The following TOP2A variants were observed in gnomAD, a reference collection of about 807,000 sequenced individuals.
TOP2A encodes DNA topoisomerase 2-alpha.
A neutral mutation model predicts 187.2 loss-of-function variants in TOP2A; 68 were observed. That is an observed-to-expected ratio of 0.36 (90% CI 0.30 to 0.44). The LOEUF is 0.44. TOP2A is among the 20% of genes least tolerant of loss of function. TOP2A has a pLI of 1.00. For missense variants in TOP2A, 1,196 were observed against 1,808.7 expected (o/e 0.66, Z 6.14); for synonymous variants, 542 against 593.2 (o/e 0.91, Z 1.25).
Position 40,416,912 on chromosome 17 carries a change from AAG to A in TOP2A, c.22-19_22-18del, listed in dbSNP as rs752800546. ...ATTTACAGGCTAGCAATTAAAAAAA[AAG>A]AGAGAAAGAAGGGAATTTTTAATCA... On this transcript the variant is annotated intron_variant, in intron 1 of 34. Coordinates refer to ENST00000423485, the MANE Select transcript of TOP2A (RefSeq NM_001067.4). The A allele has an allele frequency of 1.1e-5, 18 of 1,569,614 alleles. No homozygotes were observed. The highest frequency in any genetic ancestry group is 2.4e-5 in the South Asian group (2 of 84,550).
intron 10 of TOP2A, 144 bp from the exon 11 acceptor site, chr17:40,408,774 G>C: frequency 1.1e-6 from 1 of 884,412 alleles, no homozygotes. Flanking sequence ...GATAGAGGGT[G>C]GCACATCTTC....
intron 12 of TOP2A, 67 bp from the exon 13 acceptor site, chr17:40,407,741 T>G: frequency 7.0e-7 from 1 of 1,428,928 alleles, no homozygotes; most frequent in Non-Finnish European, 9.4e-7. Flanking sequence ...AATTTAACAG[T>G]ATATGTTGCT....
rs1007249728 is a variant in TOP2A at position 40,388,586 on chromosome 17, C to G, written c.*933G>C. 2.2e-5 allele frequency: 4 copies of G among 181,880 alleles called. No homozygotes were observed. The highest frequency in any genetic ancestry group is 9.4e-5 in the African/African-American group (4 of 42,450). 11.3% of individuals were successfully genotyped at this position (181,880 alleles called of 1,614,324 possible). ...TGTTGGAATTTAGCTAATAGAAAAA[C>G]ATAGTAAATATTTACAAAAACGTTG... On this transcript the variant is annotated 3_prime_UTR_variant, in exon 35 of 35. Transcript: ENST00000423485.
At position 40,391,584 on chromosome 17, in the gene TOP2A, T is replaced by TAGC. The variant is rs2035022661; in HGVS notation, c.4186_4188dup (p.Ala1396dup). ...ATTTCAGTTTCATCTGGGAAATGTG[T>TAGC]AGCAGGAGGGCTTGAAGACAGTGGT... On this transcript the variant is annotated inframe_insertion, in exon 33 of 35. Transcript: ENST00000423485. The TAGC allele has an allele frequency of 1.2e-6, 2 of 1,612,804 alleles. No individual in the cohort carries two copies. Among genetic ancestry groups the TAGC allele is most frequent in the Non-Finnish European group, 8.5e-7 (1 of 1,179,304 alleles).
chr17:40,399,963 T>G lies in TOP2A; in HGVS notation c.3105A>C (p.Glu1035Asp). The G allele has an allele frequency of 6.2e-7, 1 of 1,613,542 alleles. No individual in the cohort carries two copies. Among genetic ancestry groups the G allele is most frequent in the Non-Finnish European group, 8.5e-7 (1 of 1,179,724 alleles). ...LRLKYYGLRK[E>D]WLLGMLGAES... ...CAGCACCAAGCATTCCTAGGAGCCA[T>G]TCTTTTCTTAATCCATAATATTTAA... The change falls in exon 24 of 35, where the codon GAA (glutamate) becomes GAC (aspartate). Residue 1035 changes from glutamate (E) to aspartate (D), a missense_variant. Glu to Asp is a conservative substitution (Grantham distance 45). This residue lies in a region of TOP2A where 232 missense variants were observed against 306.1 expected (regional missense o/e 0.76). Coordinates refer to ENST00000423485, the MANE Select transcript of TOP2A (RefSeq NM_001067.4).
intron 27 of TOP2A, among the ~76,000 whole-genome samples, chr17:40,397,778 ATTTT>A (rs1379272976): frequency 2.2e-5 from 3 of 136,628 alleles, no homozygotes; most frequent in Admixed American, 7.4e-5. Flanking sequence ...TCTAAATAGT[ATTTT>A]TTTTTTTTTT....
chr17:40,389,403 A>G lies in TOP2A; in HGVS notation c.*116T>C. 2 of 1,222,892 alleles carry G rather than the reference A, an allele frequency of 1.6e-6. No individual in the cohort carries two copies. Among genetic ancestry groups the G allele is most frequent in the Non-Finnish European group, 2.2e-6 (2 of 892,958 alleles). 75.8% of individuals were successfully genotyped at this position (1,222,892 alleles called of 1,614,324 possible). On this transcript the variant is annotated 3_prime_UTR_variant, in exon 35 of 35. Coordinates refer to ENST00000423485, the MANE Select transcript of TOP2A (RefSeq NM_001067.4). ...GCTTTACTTCACTTTGATGTCTTGT[A>G]CTAAAAACACCTTCCCCAAACTAAA...
In TOP2A at chr17:40,396,411, C is replaced by T. The variant is rs200739247; in HGVS notation, c.3592G>A (p.Gly1198Arg). The change falls in exon 28 of 35, where the codon GGG becomes AGG. Residue 1198 changes from glycine to arginine, a missense_variant. Around this residue, in one of 10 missense-constraint regions of TOP2A, gnomAD observed 374 missense variants for 403.3 expected, o/e 0.93. Coordinates refer to ENST00000423485, the MANE Select transcript of TOP2A (RefSeq NM_001067.4). ...TGTGTTTTTTTCCCCTTGGCCTTCC[C>T]CCCTTTCCCAGGAAGTCCGACTTGT... ...DEQVGLPGKGGKAKGKKTQMA... is the reference protein window; with the variant it reads ...DEQVGLPGKGRKAKGKKTQMA... 1.2e-4 allele frequency: 200 copies of T among 1,613,792 alleles called. 1 individual carries two copies. Among genetic ancestry groups the T allele is most frequent in the Non-Finnish European group, 1.6e-4 (188 of 1,179,876 alleles).
At chr17:40,405,071 C>T (rs144779457) in intron 16 of TOP2A, among the ~76,000 whole-genome samples, 188 bp from the exon 17 acceptor site, 60 of 151,540 alleles carry the variant, frequency 4.0e-4, no homozygotes, top group Middle Eastern at 3.4e-3. Flanking sequence ...CTCACTGCAA[C>T]CTCTGCGTCC....
rs772308714 is a variant in TOP2A at position 40,390,045 on chromosome 17, G to A, written c.4387C>T (p.Arg1463Cys). The stretch of plus-strand genomic sequence containing the variant: ...GAAGTGGATGGCTTCCTTTTGCGGC[G>A]ATTCTTGGTTTTGGCAGGATCAGGC... ...QKPDPAKTKN[R>C]RKRKPSTSDD... Residue 1463 changes from arginine to cysteine, a missense_variant, in exon 34 of 35, where the codon CGC (arginine) becomes TGC (cysteine). By Grantham distance (180) the Arg-to-Cys change is radical. Coordinates refer to ENST00000423485, the MANE Select transcript of TOP2A (RefSeq NM_001067.4). 3.8e-5 allele frequency: 62 copies of A among 1,613,864 alleles called. No individual in the cohort carries two copies. The highest frequency in any genetic ancestry group is 4.8e-5 in the Non-Finnish European group (57 of 1,179,854).
At chr17:40,414,817 C>T (rs1300813279) in intron 4 of TOP2A, among the ~76,000 whole-genome samples, 16 of 143,798 alleles carry the variant, frequency 1.1e-4, no homozygotes, top group African/African-American at 3.7e-4. Context: ...GATCATGCCA[C>T]TGCACTCCAG....
At chr17:40,395,342 G>T in intron 29 of TOP2A, 107 bp downstream of exon 29, 1 of 450,606 alleles carries the variant, frequency 2.2e-6, no homozygotes, top group Non-Finnish European at 3.8e-6. Flanking sequence ...CCTCTTTCAC[G>T]TTTCTCAATT....
chr17:40,402,186 C>T lies in TOP2A; in HGVS notation c.2432+720G>A, dbSNP rs114920044. Among the ~76,000 whole-genome samples, 1,471 of 152,228 alleles carry T rather than the reference C, an allele frequency of 9.7e-3. 28 individuals are homozygous for T. The highest frequency in any genetic ancestry group is 0.034 in the African/African-American group (1,396 of 41,532). ...CTGAGCAATTAGAAGGATGGCATGGCATTCCATTTACTGAGACAGGAAAAC... is the reference window on the plus strand; with the variant it reads ...CTGAGCAATTAGAAGGATGGCATGGTATTCCATTTACTGAGACAGGAAAAC... On this transcript the variant is annotated intron_variant, in intron 20 of 34. Coordinates refer to ENST00000423485, the MANE Select transcript of TOP2A (RefSeq NM_001067.4).
chr17:40,388,986 A>C lies in TOP2A; in HGVS notation c.*533T>G, dbSNP rs1312967864. The C allele has an allele frequency of 4.7e-6, 1 of 214,604 alleles. No homozygotes were observed. Among genetic ancestry groups the C allele is most frequent in the East Asian group, 7.0e-5 (1 of 14,258 alleles). 13.3% of individuals were successfully genotyped at this position (214,604 alleles called of 1,614,324 possible). ...AGATGAAGAACATGAGCAATTTCTC[A>C]TTGCTTAAAGAAAAACTTGGCACAT... On this transcript the variant is annotated 3_prime_UTR_variant, in exon 35 of 35. Transcript: ENST00000423485.
chr17:40,396,432 C>T lies in TOP2A; in HGVS notation c.3571G>A (p.Val1191Ile). Residue 1191 changes from valine (V) to isoleucine (I), a missense_variant, in exon 28 of 35, where the codon GTC (valine) becomes ATC (isoleucine). Val to Ile is a conservative substitution (Grantham distance 29). This residue lies in a region of TOP2A where 374 missense variants were observed against 403.3 expected (regional missense o/e 0.93). Coordinates refer to ENST00000423485, the MANE Select transcript of TOP2A (RefSeq NM_001067.4). The part of the protein sequence containing the change: ...VEAKEKQDEQ[V>I]GLPGKGGKAK... ...TTCCCCCCTTTCCCAGGAAGTCCGA[C>T]TTGTTCATCTTGTTTTTCCTTGGCT... 1 of 1,613,810 alleles carries T rather than the reference C, an allele frequency of 6.2e-7. No individual in the cohort carries two copies. Among genetic ancestry groups the T allele is most frequent in the Non-Finnish European group, 8.5e-7 (1 of 1,179,820 alleles).
intron 7 of TOP2A, 101 bp downstream of exon 7, chr17:40,412,658 A>G: frequency 1.0e-6 from 1 of 997,832 alleles, no homozygotes; most frequent in Non-Finnish European, 1.5e-6. Flanking sequence ...AAACAAACAA[A>G]CAAACAAACA....
In TOP2A at chr17:40,400,218, G is replaced by A. The variant is rs2035159670; in HGVS notation, c.2991C>T (p.Cys997=). 6.2e-7 allele frequency: 1 copy of A among 1,613,624 alleles called. No individual in the cohort carries two copies. Among genetic ancestry groups the A allele is most frequent in the African/African-American group, 1.3e-5 (1 of 74,916 alleles). ...CAAAACAAATACATACCATAGAGTT[G>A]CATGTGAGACTAGTTTGGAGTTTGA... The part of the protein sequence containing the change: ...KVFKLQTSLT[C]NSMVLFDHVG... Residue 997 remains cysteine (C), a synonymous_variant, in exon 23 of 35, where the codon TGC becomes TGT. Coordinates refer to ENST00000423485, the MANE Select transcript of TOP2A (RefSeq NM_001067.4).
intron 19 of TOP2A, 49 bp downstream of exon 19, chr17:40,404,103 C>T: frequency 6.2e-7 from 1 of 1,600,866 alleles, no homozygotes; most frequent in Non-Finnish European, 8.5e-7. Flanking sequence ...AATGACTCTG[C>T]AGGGATTTCT....
Position 40,400,385 on chromosome 17 carries a change from G to A in TOP2A, c.2824C>T (p.Pro942Ser), listed in dbSNP as rs1266499144. 6.2e-7 allele frequency: 1 copy of A among 1,613,122 alleles called. No individual in the cohort carries two copies. The highest frequency in any genetic ancestry group is 8.5e-7 in the Non-Finnish European group (1 of 1,179,774). ...GTCTTCTCGGTGCCATTCAACATGGGTTCTAGAACTTGTTCTTTGTATGTC... is the reference window on the plus strand; with the variant it reads ...GTCTTCTCGGTGCCATTCAACATGGATTCTAGAACTTGTTCTTTGTATGTC... ...TQTYKEQVLEPMLNGTEKTPP... is the reference protein window; with the variant it reads ...TQTYKEQVLESMLNGTEKTPP... Residue 942 changes from proline (P) to serine (S), a missense_variant, in exon 23 of 35, where the codon CCC (proline) becomes TCC (serine). By Grantham distance (74) the Pro-to-Ser change is moderately conservative (BLOSUM62 -1). Around this residue, in one of 10 missense-constraint regions of TOP2A, gnomAD observed 232 missense variants for 306.1 expected, o/e 0.76. Coordinates refer to ENST00000423485, the MANE Select transcript of TOP2A (RefSeq NM_001067.4).
Sources: allele counts gnomAD v4.1 joint callset (sites outside exome capture counted in the v4.1 genomes callset), GRCh38; gene constraint gnomAD v4.1.1; regional missense constraint gnomAD v4.1.1; transcripts MANE v1.5; gene names NCBI Gene and HGNC (gene_info 2026-07-23, HGNC 2026-07-21).